Variants in PSAP observed in about 807,000 individuals in gnomAD.
The protein encoded by PSAP is prosaposin.
In PSAP, 25 loss-of-function variants were observed where a neutral mutation model predicts 66.0. That is an observed-to-expected ratio of 0.38 (90% confidence interval 0.28 to 0.53). The LOEUF is 0.53. PSAP is among the 20% of genes least tolerant of loss of function. The pLI, the probability that PSAP is intolerant of heterozygous loss-of-function variation, is 0.83. For missense variants in PSAP, 649 were observed against 668.8 expected (o/e 0.97, Z 0.33); for synonymous variants, 273 against 258.9 (o/e 1.05, Z -0.52).
At chr10:71,837,222 C>A (rs1842642507) in intron 1 of PSAP, among the ~76,000 whole-genome samples, 2 of 152,220 alleles carry the variant, frequency 1.3e-5, no homozygotes. Context: ...GTGCATGTTA[C>A]AAAAACAGCC....
At chr10:71,847,080 A>G (rs1297325062) in intron 1 of PSAP, among the ~76,000 whole-genome samples, 1 of 152,188 alleles carries the variant, frequency 6.6e-6, no homozygotes, top group Non-Finnish European at 1.5e-5. Flanking sequence ...AAAATGGAAG[A>G]CCAAGTTCTC....
Position 71,822,018 on chromosome 10 carries a change from C to G in PSAP, c.778-11G>C. On this transcript the variant is annotated splice_polypyrimidine_tract_variant and intron_variant, in intron 7 of 13. Coordinates refer to ENST00000394936, the MANE Select transcript of PSAP (RefSeq NM_002778.4). Reference sequence around the variant, plus strand: ...GATCTCCTTGGGTTGCTGAAGAGAGCACAGAACAACCAGTCAGCAGCAAGC... The same window carrying G: ...GATCTCCTTGGGTTGCTGAAGAGAGGACAGAACAACCAGTCAGCAGCAAGC... 1 of 1,614,102 alleles carries G rather than the reference C, an allele frequency of 6.2e-7. No individual in the cohort carries two copies. Among genetic ancestry groups the G allele is most frequent in the Non-Finnish European group, 8.5e-7 (1 of 1,179,978 alleles).
In PSAP at chr10:71,822,188, C is replaced by G. The variant is rs1398189322; in HGVS notation, c.778-181G>C. 9.2e-6 allele frequency: 7 copies of G among 760,780 alleles called. No homozygotes were observed. The East Asian group carries it at 1.9e-4, about 21-fold the overall frequency. The allele number at this position is 760,780 out of a possible 1,614,324, so 47.1% of individuals were successfully genotyped here. ...CATGTTAAAGGGCTCGTGTCTGAAG[C>G]AGTGCATATGTGCCAGTTACATCTC... is the stretch of plus-strand genomic sequence containing the variant. On this transcript the variant is annotated intron_variant, in intron 7 of 13. Coordinates refer to ENST00000394936, the MANE Select transcript of PSAP (RefSeq NM_002778.4).
In PSAP at chr10:71,831,923, AAG is replaced by A. The variant is rs1485630054; in HGVS notation, c.175-5_175-4del. 1 of 1,613,690 alleles carries A rather than the reference AAG, an allele frequency of 6.2e-7. No homozygotes were observed. Among genetic ancestry groups the A allele is most frequent in the Non-Finnish European group, 8.5e-7 (1 of 1,179,694 alleles). ...CATATGTCGCAGGGAAGGGATTTCT[AAG>A]AGAAAGAATACGAGAAATTTGTATT... On this transcript the variant is annotated splice_polypyrimidine_tract_variant and splice_region_variant and intron_variant, in intron 2 of 13. Transcript: ENST00000394936.
At chr10:71,829,169 T>A in intron 4 of PSAP, 92 bp from the exon 5 acceptor site, 1 of 1,190,246 alleles carries the variant, frequency 8.4e-7, no homozygotes, top group Non-Finnish European at 1.2e-6. Context: ...TCCCTCTCTT[T>A]AAATCCCTTA....
intron 8 of PSAP, 147 bp from the exon 9 acceptor site, chr10:71,820,482 T>C (rs1034535784): frequency 6.9e-6 from 5 of 723,256 alleles, no homozygotes; most frequent in Non-Finnish European, 1.3e-5. Flanking sequence ...GCGTGTGGCT[T>C]CTAATATCCA....
At chr10:71,821,183 CAG>C (rs1357081670) in intron 8 of PSAP, among the ~76,000 whole-genome samples, 3 of 152,200 alleles carry the variant, frequency 2.0e-5, no homozygotes, top group African/African-American at 7.2e-5. Context: ...GAGGAGACAG[CAG>C]AGAGAGACCA....
At chr10:71,838,632 A>C (rs973068161) in intron 1 of PSAP, among the ~76,000 whole-genome samples, 5 of 152,262 alleles carry the variant, frequency 3.3e-5, no homozygotes, top group South Asian at 2.1e-4. Context: ...TGCACGCCTC[A>C]GTAGTCCCAG....
intron 13 of PSAP, 67 bp downstream of exon 13, chr10:71,818,550 G>T: frequency 7.5e-7 from 1 of 1,338,936 alleles, no homozygotes; most frequent in Non-Finnish European, 1.1e-6. Context: ...TCCCATTAAA[G>T]CAGGATTCTC....
intron 13 of PSAP, 107 bp downstream of exon 13, chr10:71,818,510 A>C: frequency 9.8e-7 from 1 of 1,016,220 alleles, no homozygotes. Flanking sequence ...CTGATAACAT[A>C]AAAGCAGGGT....
rs887469215 is a variant in PSAP at position 71,820,165 on chromosome 10, G to A, written c.1005+75C>T. On this transcript the variant is annotated intron_variant, in intron 9 of 13. Coordinates refer to ENST00000394936, the MANE Select transcript of PSAP (RefSeq NM_002778.4). ...AAGGCTGGGCCAAGCCCTCTCTCCT[G>A]TGGGACTTTCCCACTGGGACATTCA... 90 of 1,332,010 alleles carry A rather than the reference G, an allele frequency of 6.8e-5. 2 individuals carry two copies. Among genetic ancestry groups the A allele is most frequent in the African/African-American group, 7.2e-5 (5 of 69,226 alleles). 82.5% of individuals were successfully genotyped at this position (1,332,010 alleles called of 1,614,324 possible). A position where few individuals can be genotyped will look rare whatever the true frequency, so the allele number is the denominator to read the frequency against.
At position 71,816,663 on chromosome 10, in the gene PSAP, C is replaced by G. The variant is rs567444264; in HGVS notation, c.*778G>C. 2.9e-6 allele frequency: 1 copy of G among 349,954 alleles called. No individual in the cohort carries two copies. The highest frequency in any genetic ancestry group is 5.8e-6 in the Non-Finnish European group (1 of 173,262). The allele number at this position is 349,954 out of a possible 1,614,324, so 21.7% of individuals were successfully genotyped here. ...GACATGTAGGCAACACGAGCAGGCA[C>G]AGCGCGGCCACCACTGTCCACACGC... On this transcript the variant is annotated 3_prime_UTR_variant, in exon 14 of 14. Coordinates refer to ENST00000394936, the MANE Select transcript of PSAP (RefSeq NM_002778.4).
At chr10:71,822,328 T>C in intron 7 of PSAP, 1 of 431,242 alleles carries the variant, frequency 2.3e-6, no homozygotes, top group South Asian at 2.1e-5. Context: ...TGGTCTGTTC[T>C]AGAATGTGTC....
At chr10:71,851,135 G>A in intron 1 of PSAP, 47 bp downstream of exon 1, 1 of 1,547,296 alleles carries the variant, frequency 6.5e-7, no homozygotes, top group Non-Finnish European at 8.7e-7. Flanking sequence ...GGGGCAGATG[G>A]ACGCTGCGAG....
chr10:71,832,037 G>A lies in PSAP; in HGVS notation c.175-117C>T, dbSNP rs11000020. On this transcript the variant is annotated intron_variant, in intron 2 of 13. Transcript: ENST00000394936. Reference sequence around the variant, plus strand: ...TCTAACCAGGGATATGATCATGACCGCGCTCCTGTCACATCCTGGTTCTCC... The same window carrying A: ...TCTAACCAGGGATATGATCATGACCACGCTCCTGTCACATCCTGGTTCTCC... The A allele has an allele frequency of 0.06, 61,954 of 1,033,942 alleles. 2,493 individuals are homozygous for A. Among genetic ancestry groups the A allele is most frequent in the Admixed American group, 0.15 (8,302 of 54,734 alleles). The allele number at this position is 1,033,942 out of a possible 1,614,324, so 64.0% of individuals were successfully genotyped here. A position where few individuals can be genotyped will look rare whatever the true frequency, so the allele number is the denominator to read the frequency against.
chr10:71,822,798 G>A (rs1842331766), intron 7 of PSAP: 4 of 333,378 alleles, frequency 1.2e-5, no homozygotes, highest in Non-Finnish European at 2.4e-5. Flanking sequence ...AGGAACAAAA[G>A]TGCTAAAAAC....
At chr10:71,825,571 TGGCCTGAACG>T in intron 7 of PSAP, 3 of 536,706 alleles carry the variant, frequency 5.6e-6, no homozygotes, top group Admixed American at 2.7e-5. Context: ...ACCTGATGGC[TGGCCTGAACG>T]GGCAGAGGCA....
chr10:71,832,105 G>A (rs1304089291), intron 2 of PSAP, among the ~76,000 whole-genome samples, 185 bp from the exon 3 acceptor site: 1 of 152,122 alleles, frequency 6.6e-6, no homozygotes, highest in African/African-American at 2.4e-5. Flanking sequence ...GAGGGAAGAG[G>A]TGTGACTCAC....
intron 3 of PSAP, 150 bp from the exon 4 acceptor site, chr10:71,831,401 T>C (rs1842513539): frequency 2.1e-6 from 2 of 955,898 alleles, no homozygotes; most frequent in South Asian, 1.4e-5. Context: ...ATGTTACCTA[T>C]GGCTCTATTA....
Sources: gnomAD v4.1 joint callset for allele counts (sites outside exome capture counted in the v4.1 genomes callset) on GRCh38, gnomAD v4.1.1 for gene constraint, MANE v1.5 for transcripts, NCBI Gene and HGNC (gene_info 2026-07-23, HGNC 2026-07-21) for gene names.